The following CENPW variants were observed in gnomAD, a reference collection of about 807,000 sequenced individuals.
CENPW encodes the protein cancer-up-regulated gene 2 protein.
In CENPW, 3 loss-of-function variants were observed where a neutral mutation model predicts 11.1. That is an observed-to-expected ratio of 0.27 (90% CI 0.12 to 0.70). The LOEUF (loss-of-function observed/expected upper bound fraction) is 0.70, where lower values mean the gene tolerates loss of function less well. Among genes scored for constraint, CENPW ranks in the 30% least tolerant of loss-of-function variants. The pLI is 0.77. For synonymous variants in CENPW, 38 were observed against 42.0 expected, an observed-to-expected ratio of 0.91 and a Z score of 0.37; for missense variants, 100 against 105.6, an observed-to-expected ratio of 0.95 and a Z score of 0.23.
the CENPW span, among the ~76,000 whole-genome samples, chr6:126,367,668 G>C: frequency 6.6e-6 from 1 of 152,130 alleles, no homozygotes; most frequent in African/African-American, 2.4e-5. Context: ...TCATTGTAGG[G>C]ACCTGGTGGT....
chr6:126,414,888 C>G, the CENPW span, among the ~76,000 whole-genome samples: 1 of 151,476 alleles, frequency 6.6e-6, no homozygotes, highest in African/African-American at 2.4e-5. Context: ...AGAAGACTCA[C>G]ACAAATAAAT....
the CENPW span, among the ~76,000 whole-genome samples, chr6:126,374,087 G>C: frequency 2.6e-5 from 4 of 152,252 alleles, no homozygotes; most frequent in Admixed American, 2.0e-4. Flanking sequence ...AGATCACAGG[G>C]ATAGAGGGAG....
At chr6:126,429,339 T>G in the CENPW span, among the ~76,000 whole-genome samples, 152 of 152,180 alleles carry the variant, frequency 1.0e-3, 1 homozygote, top group Non-Finnish European at 1.9e-4. Context: ...AAATCTCGTG[T>G]TGAACTGTAA....
chr6:126,442,047 G>A, the CENPW span, among the ~76,000 whole-genome samples: 1 of 151,600 alleles, frequency 6.6e-6, no homozygotes, highest in Non-Finnish European at 1.5e-5. Context: ...CACAGTGGTT[G>A]TACCAGTTTA....
chr6:126,410,799 T>G, the CENPW span, among the ~76,000 whole-genome samples: 2 of 152,172 alleles, frequency 1.3e-5, no homozygotes, highest in East Asian at 3.9e-4. Context: ...TTTCATTTCA[T>G]TCTTTGAATT....
chr6:126,448,692 G>C, the CENPW span, among the ~76,000 whole-genome samples: 2 of 151,000 alleles, frequency 1.3e-5, no homozygotes, highest in Admixed American at 6.6e-5. Flanking sequence ...CCATATATTT[G>C]AGGCTTTGCT....
chr6:126,438,402 A>T, the CENPW span, among the ~76,000 whole-genome samples: 1 of 151,826 alleles, frequency 6.6e-6, no homozygotes, highest in South Asian at 2.1e-4. Flanking sequence ...TAGAAAGGGA[A>T]TTATCTGATC....
chr6:126,366,604 T>C, the CENPW span, among the ~76,000 whole-genome samples: 1 of 152,208 alleles, frequency 6.6e-6, no homozygotes, highest in South Asian at 2.1e-4. Context: ...ATATATATCA[T>C]ATACTCAATC....
the CENPW span, among the ~76,000 whole-genome samples, chr6:126,413,135 A>C: frequency 1.3e-5 from 2 of 152,282 alleles, no homozygotes; most frequent in East Asian, 3.9e-4. Flanking sequence ...AATACCTTTA[A>C]AAATAATAAA....
chr6:126,343,075 G>T lies in CENPW; in HGVS notation c.126+2676G>T, dbSNP rs112508921. Reference sequence around the variant, plus strand: ...AAATTCAAAAGTGCTATGACAAAGGGAGGAGAAAGTCAGACTGGCCCAGTC... The same window carrying T: ...AAATTCAAAAGTGCTATGACAAAGGTAGGAGAAAGTCAGACTGGCCCAGTC... On this transcript the variant is annotated intron_variant, in intron 1 of 2. Coordinates refer to ENST00000368328, the MANE Select transcript of CENPW (RefSeq NM_001012507.4). 4.7e-3 allele frequency among the ~76,000 whole-genome samples: 718 copies of T among 152,288 alleles called. 3 individuals carry two copies. Among genetic ancestry groups the T allele is most frequent in the African/African-American group, 0.015 (638 of 41,562 alleles).
the CENPW span, among the ~76,000 whole-genome samples, chr6:126,367,809 T>TA: frequency 6.6e-6 from 1 of 151,996 alleles, no homozygotes; most frequent in African/African-American, 2.4e-5. Flanking sequence ...AGTTCTGAAA[T>TA]AAAGAGGAGA....
the CENPW span, among the ~76,000 whole-genome samples, chr6:126,390,337 G>A: frequency 2.6e-5 from 4 of 151,702 alleles, no homozygotes; most frequent in Admixed American, 1.3e-4. Flanking sequence ...TTGAATTTTT[G>A]TGGGTACATA....
At chr6:126,398,109 C>T in the CENPW span, among the ~76,000 whole-genome samples, 1 of 152,138 alleles carries the variant, frequency 6.6e-6, no homozygotes, top group Non-Finnish European at 1.5e-5. Flanking sequence ...ACATAACTAC[C>T]AATAGCACCT....
the CENPW span, among the ~76,000 whole-genome samples, chr6:126,450,820 G>C: frequency 6.6e-6 from 1 of 150,750 alleles, no homozygotes; most frequent in Non-Finnish European, 1.5e-5. Flanking sequence ...TATAGGTAAG[G>C]AGAAAATCTT....
At chr6:126,375,475 A>T in the CENPW span, among the ~76,000 whole-genome samples, 1 of 152,174 alleles carries the variant, frequency 6.6e-6, no homozygotes, top group Non-Finnish European at 1.5e-5. Flanking sequence ...GCAGTACTCC[A>T]TGGTGATGAT....
the CENPW span, among the ~76,000 whole-genome samples, chr6:126,390,802 CTTA>C: frequency 6.6e-6 from 1 of 151,848 alleles, no homozygotes; most frequent in Non-Finnish European, 1.5e-5. Context: ...ATGACGTGAT[CTTA>C]TTCTTTTTTA....
the CENPW span, among the ~76,000 whole-genome samples, chr6:126,446,396 G>T: frequency 6.9e-6 from 1 of 144,910 alleles, no homozygotes; most frequent in Non-Finnish European, 1.5e-5. Flanking sequence ...TGAAAAGTTT[G>T]CTTAAACTTC....
the CENPW span, among the ~76,000 whole-genome samples, chr6:126,355,387 C>T: frequency 1.3e-5 from 2 of 152,214 alleles, no homozygotes; most frequent in East Asian, 3.9e-4. Context: ...GAAACTTGTG[C>T]TGTGTTCAGG....
At chr6:126,431,483 A>C in the CENPW span, among the ~76,000 whole-genome samples, 9 of 152,182 alleles carry the variant, frequency 5.9e-5, no homozygotes, top group African/African-American at 1.9e-4. Flanking sequence ...AACCACTTCA[A>C]ATGCATTTCC....
Sources: allele counts gnomAD v4.1 joint callset (sites outside exome capture counted in the v4.1 genomes callset), GRCh38; gene constraint gnomAD v4.1.1; transcripts MANE v1.5; gene names NCBI Gene and HGNC (gene_info 2026-07-23, HGNC 2026-07-21).